Variants in BMPR1B observed in about 807,000 individuals in gnomAD.
BMPR1B encodes the protein bone morphogenetic protein receptor type-1B.
A neutral mutation model predicts 59.1 loss-of-function variants in BMPR1B; 12 were observed. The observed-to-expected ratio is 0.20, with a 90% CI of 0.13 to 0.33. The LOEUF is 0.33. BMPR1B is among the 10% of genes least tolerant of loss of function. The pLI is 1.00. For missense variants in BMPR1B, 550 were observed against 610.9 expected (o/e 0.90, Z 1.05); for synonymous variants, 237 against 207.3 (o/e 1.14, Z -1.23).
chr4:95,067,235 T>C (rs1265698150), intron 3 of BMPR1B, among the ~76,000 whole-genome samples: 1 of 152,222 alleles, frequency 6.6e-6, no homozygotes, highest in East Asian at 1.9e-4. Context: ...TCTTAAGTCC[T>C]GAAGGTATAA....
intron 3 of BMPR1B, among the ~76,000 whole-genome samples, chr4:95,085,335 A>G (rs1441249610): frequency 1.3e-5 from 2 of 152,144 alleles, no homozygotes; most frequent in Non-Finnish European, 2.9e-5. Context: ...GTTCGCAAAC[A>G]GGAGTTGCTT....
chr4:95,037,038 T>A (rs1407395108), intron 3 of BMPR1B, among the ~76,000 whole-genome samples: 1 of 152,172 alleles, frequency 6.6e-6, no homozygotes, highest in Non-Finnish European at 1.5e-5. Flanking sequence ...AGGTTTTTTC[T>A]TGTTAGTTTC....
chr4:94,939,475 A>G (rs1195522226), intron 2 of BMPR1B, among the ~76,000 whole-genome samples: 1 of 152,180 alleles, frequency 6.6e-6, no homozygotes, highest in Non-Finnish European at 1.5e-5. Flanking sequence ...TTGAGGGTCC[A>G]TTGTATTTGC....
At chr4:95,030,701 T>C (rs1724774530) in intron 3 of BMPR1B, among the ~76,000 whole-genome samples, 1 of 152,064 alleles carries the variant, frequency 6.6e-6, no homozygotes, top group Non-Finnish European at 1.5e-5. Flanking sequence ...TGTACAAAAA[T>C]CACAAGCATT....
chr4:95,132,363 A>G (rs1376608989), intron 10 of BMPR1B, among the ~76,000 whole-genome samples: 1 of 152,142 alleles, frequency 6.6e-6, no homozygotes, highest in Non-Finnish European at 1.5e-5. Flanking sequence ...AAAGTCATGG[A>G]GATTATTAAA....
intron 3 of BMPR1B, among the ~76,000 whole-genome samples, chr4:95,015,308 G>A (rs1249871801): frequency 6.6e-6 from 1 of 152,160 alleles, no homozygotes; most frequent in Non-Finnish European, 1.5e-5. Context: ...AATGTTCTTT[G>A]TAGTGAAATA....
intron 1 of BMPR1B, among the ~76,000 whole-genome samples, chr4:94,758,429 C>G (rs899682888): frequency 7.9e-5 from 12 of 151,908 alleles, no homozygotes; most frequent in Non-Finnish European, 1.0e-4. Flanking sequence ...GCTGTAGGGA[C>G]GCCCCAAGGC....
chr4:94,973,783 A>G (rs535528871), intron 2 of BMPR1B, among the ~76,000 whole-genome samples: 3 of 152,298 alleles, frequency 2.0e-5, no homozygotes, highest in African/African-American at 7.2e-5. Context: ...AACCCAGTTG[A>G]TAGTAGGTAC....
chr4:95,027,024 C>G (rs891938515), intron 3 of BMPR1B, among the ~76,000 whole-genome samples: 9 of 151,978 alleles, frequency 5.9e-5, no homozygotes, highest in African/African-American at 2.2e-4. Context: ...CTCAGCCTCC[C>G]AAGGTGCTGG....
Position 95,094,066 on chromosome 4 carries a change from C to T in BMPR1B, c.-17-10342C>T, listed in dbSNP as rs564782591. 7.0e-4 allele frequency among the ~76,000 whole-genome samples: 106 copies of T among 152,112 alleles called. 1 individual carries two copies. The South Asian group carries it at 0.012, about 18-fold the overall frequency. On this transcript the variant is annotated intron_variant, in intron 3 of 12. Coordinates refer to ENST00000515059, the MANE Select transcript of BMPR1B (RefSeq NM_001203.3). The stretch of plus-strand genomic sequence containing the variant: ...TTTTATTGTTTTCCTATATGTATTT[C>T]GGCTTTCCATATGTAGTTGATTTGT...
intron 3 of BMPR1B, among the ~76,000 whole-genome samples, chr4:95,050,560 C>T (rs1726427996): frequency 6.6e-6 from 1 of 152,016 alleles, no homozygotes; most frequent in South Asian, 2.1e-4. Context: ...AGGATGGGGT[C>T]AGGAGTAGGG....
chr4:94,877,445 A>G (rs1223208651), intron 2 of BMPR1B, among the ~76,000 whole-genome samples: 2 of 152,254 alleles, frequency 1.3e-5, no homozygotes. Flanking sequence ...GATTGGCCTT[A>G]GGGTTGGCAT....
At chr4:94,791,808 G>A (rs1403988092) in intron 1 of BMPR1B, among the ~76,000 whole-genome samples, 1 of 151,454 alleles carries the variant, frequency 6.6e-6, no homozygotes, top group Non-Finnish European at 1.5e-5. Context: ...TCTTCCTTAC[G>A]CTCCCTCTCC....
rs751583213 is a variant in BMPR1B, at chr4:94,758,701, TCTCTCTCTCTATGC to T, written c.-183+643_-183+656del. Among the ~76,000 whole-genome samples, 159 of 152,130 alleles carry T rather than the reference TCTCTCTCTCTATGC, an allele frequency of 1.0e-3. 1 individual carries two copies. In the Middle Eastern group the frequency reaches 0.014, roughly 13 times the overall value. ...TGTCTCTTCTCCTCTCTCTCCTGCT[TCTCTCTCTCTATGC>T]CTCTCTCTCAAGTTCTGGGTCTTTC... On this transcript the variant is annotated intron_variant, in intron 1 of 12. Transcript: ENST00000515059.
intron 2 of BMPR1B, among the ~76,000 whole-genome samples, chr4:94,935,958 T>G (rs188690614): frequency 6.9e-6 from 1 of 145,560 alleles, no homozygotes; most frequent in East Asian, 2.0e-4. Flanking sequence ...TAGACTATAA[T>G]GTAAGCCTTG....
intron 2 of BMPR1B, among the ~76,000 whole-genome samples, chr4:94,886,258 A>G (rs1727166578): frequency 6.6e-6 from 1 of 152,220 alleles, no homozygotes. Flanking sequence ...TTACAATTTG[A>G]TAAAAGATTA....
At chr4:94,950,067 T>C (rs1482399634) in intron 2 of BMPR1B, among the ~76,000 whole-genome samples, 1 of 152,222 alleles carries the variant, frequency 6.6e-6, no homozygotes, top group African/African-American at 2.4e-5. Context: ...TTTCATGTGT[T>C]TGTTGGCCAC....
At chr4:94,851,368 CTATT>C (rs961973860) in intron 1 of BMPR1B, among the ~76,000 whole-genome samples, 2 of 152,086 alleles carry the variant, frequency 1.3e-5, no homozygotes, top group Admixed American at 6.5e-5. Flanking sequence ...TAGTTAATCT[CTATT>C]TAAGTGACAT....
At chr4:94,807,984 G>T (rs577804715) in intron 1 of BMPR1B, among the ~76,000 whole-genome samples, 22 of 152,152 alleles carry the variant, frequency 1.4e-4, no homozygotes, top group African/African-American at 5.3e-4. Flanking sequence ...CACCATGCTG[G>T]CCTGCTTCAG....
Sources: allele counts gnomAD v4.1 joint callset (sites outside exome capture counted in the v4.1 genomes callset), GRCh38; gene constraint gnomAD v4.1.1; transcripts MANE v1.5; gene names NCBI Gene and HGNC (gene_info 2026-07-23, HGNC 2026-07-21).